PLXNA3: variants seen among roughly 807,000 people sequenced by gnomAD.
PLXNA3 encodes plexin A3.
A neutral mutation model predicts 118.8 loss-of-function variants in PLXNA3; 52 were observed. The ratio of observed to expected loss-of-function variants is 0.44; its 90% CI spans 0.35 to 0.55. PLXNA3 has a LOEUF of 0.55. Ranked by LOEUF, PLXNA3 falls within the 20% of genes least tolerant of loss-of-function variation. PLXNA3 has a pLI of 0.01. For synonymous variants in PLXNA3, 925 were observed against 762.4 expected, an observed-to-expected ratio of 1.21 and a Z score of -3.51; for missense variants, 1,660 against 1,730.8, an observed-to-expected ratio of 0.96 and a Z score of 0.73.
intron 1 of PLXNA3, among the ~76,000 whole-genome samples, chrX:154,459,157 AC>A (rs1465186992): frequency 1.3e-5 from 1 of 79,945 alleles, no homozygotes; most frequent in South Asian, 7.0e-4. Context: ...TCCCTGCACC[AC>A]CCCCCGCTCC....
intron 2 of PLXNA3, 122 bp from the exon 3 acceptor site, chrX:154,460,977 C>A: frequency 1.4e-6 from 1 of 726,441 alleles, no homozygotes; most frequent in Non-Finnish European, 2.0e-6. Context: ...CCCTCTGCAG[C>A]CTTTCTGGCC....
intron 4 of PLXNA3, among the ~76,000 whole-genome samples, chrX:154,462,571 T>C (rs1167807883): frequency 1.8e-5 from 2 of 112,055 alleles, no homozygotes; most frequent in Admixed American, 1.9e-4. Context: ...AGAACAGACC[T>C]ATTGTGGAGT....
Position 154,469,440 on chromosome X carries a change from C to G in PLXNA3, c.4656C>G (p.Ile1552Met), listed in dbSNP as rs200080300. 7.5e-6 allele frequency: 9 copies of G among 1,208,038 alleles called. No homozygotes were observed. Among genetic ancestry groups the G allele is most frequent in the African/African-American group, 1.7e-5 (1 of 57,394 alleles). ...ILQDEDVTTK[I>M]ECDWKRLNSL... is the part of the protein sequence containing the mutation. ...AGGATGAGGATGTCACCACCAAGAT[C>G]GAGTGTGACTGGAAGAGGCTCAACT... Residue 1552 changes from isoleucine (I) to methionine (M), a missense_variant, in exon 27 of 33, where the codon ATC becomes ATG. Ile to Met is a conservative substitution (Grantham distance 10). Transcript: ENST00000369682.
chrX:154,464,594 CAG>C (rs2069043818), intron 9 of PLXNA3, 93 bp downstream of exon 9: 10 of 790,853 alleles, frequency 1.3e-5, no homozygotes, highest in Admixed American at 5.4e-5. Context: ...TCTGGGGCAT[CAG>C]GGGCTAACTG....
Position 154,464,510 on chromosome X carries a change from C to T in PLXNA3, c.1928+9C>T. On this transcript the variant is annotated intron_variant, in intron 9 of 32. Coordinates refer to ENST00000369682, the MANE Select transcript of PLXNA3 (RefSeq NM_017514.5). ...TGCAGCGTCCTCCAGTCGTGAGTAC[C>T]TGGCCAGCACCCGTCCCTACCCCTG... The T allele has an allele frequency of 1.7e-6, 2 of 1,180,848 alleles. No homozygotes were observed. The highest frequency in any genetic ancestry group is 2.3e-6 in the Non-Finnish European group (2 of 867,991).
At chrX:154,459,171 C>G (rs1603388756) in intron 1 of PLXNA3, among the ~76,000 whole-genome samples, 1 of 109,042 alleles carries the variant, frequency 9.2e-6, no homozygotes, top group Non-Finnish European at 1.9e-5. Flanking sequence ...CCCGCTCCCC[C>G]CCCGCCTCCC....
chrX:154,464,054 G>A lies in PLXNA3; in HGVS notation c.1651G>A (p.Val551Met), dbSNP rs1472909420. Residue 551 changes from valine (V) to methionine (M), a missense_variant, in exon 7 of 33, where the codon GTG (valine) becomes ATG (methionine). Physicochemically the swap from Val to Met is conservative, Grantham distance 21 (BLOSUM62 1). Transcript: ENST00000369682. ...GCGGGTCCGGCCCAACAATGTGTCA[G>A]TGACGTCACCTGGGGTGCAGGTGAG... ...QVRVRPNNVS[V>M]TSPGVQLTVT... is the part of the protein sequence containing the mutation. 2 of 1,209,958 alleles carry A rather than the reference G, an allele frequency of 1.7e-6. No individual in the cohort carries two copies. Among genetic ancestry groups the A allele is most frequent in the Non-Finnish European group, 2.2e-6 (2 of 895,041 alleles).
Position 154,459,174 on chromosome X carries a change from C to G in PLXNA3, c.-28+746C>G, listed in dbSNP as rs987745965. 1.9e-5 allele frequency among the ~76,000 whole-genome samples: 2 copies of G among 105,113 alleles called. 1 individual carries two copies. Among genetic ancestry groups the G allele is most frequent in the African/African-American group, 7.4e-5 (2 of 27,103 alleles). The allele number at this position is 105,113 out of a possible 115,157, so 91.3% of individuals were successfully genotyped here. A position where few individuals can be genotyped will look rare whatever the true frequency, so the allele number is the denominator to read the frequency against. ...CCTGCACCACCCCCCGCTCCCCCCCCGCCTCCCGCCCTCAAGCTGGGTACC... is the reference window on the plus strand; with the variant it reads ...CCTGCACCACCCCCCGCTCCCCCCCGGCCTCCCGCCCTCAAGCTGGGTACC... On this transcript the variant is annotated intron_variant, in intron 1 of 32. Transcript: ENST00000369682.
In PLXNA3 at chrX:154,465,834, C is replaced by G; in HGVS notation, c.2519C>G (p.Pro840Arg). Residue 840 changes from proline to arginine, a missense_variant, in exon 13 of 33, where the codon CCC (proline) becomes CGC (arginine). Transcript: ENST00000369682. Reference protein sequence around the residue: ...LSQKGTRCSHPRITQIHPLVG... With the variant: ...LSQKGTRCSHRRITQIHPLVG... Reference sequence around the variant, plus strand: ...CAGAAGGGCACCCGGTGCAGCCACCCCCGCATCACGCAGGTCAGCCTCCCT... The same window carrying G: ...CAGAAGGGCACCCGGTGCAGCCACCGCCGCATCACGCAGGTCAGCCTCCCT... 8.3e-7 allele frequency: 1 copy of G among 1,206,539 alleles called. No individual in the cohort carries two copies. The highest frequency in any genetic ancestry group is 1.1e-6 in the Non-Finnish European group (1 of 892,636).
At chrX:154,464,723 T>C (rs1557206330) in intron 9 of PLXNA3, 31 bp from the exon 10 acceptor site, 1 of 999,655 alleles carries the variant, frequency 1.0e-6, no homozygotes, top group Admixed American at 2.8e-5. Flanking sequence ...TGCAGCCTCC[T>C]CTGTTATTTC....
chrX:154,466,376 A>G lies in PLXNA3; in HGVS notation c.2800A>G (p.Thr934Ala). The change falls in exon 16 of 33, where the codon ACC (threonine) becomes GCC (alanine). Residue 934 changes from threonine (T) to alanine (A), a missense_variant and splice_region_variant. By Grantham distance (58) the Thr-to-Ala change is moderately conservative. This residue lies in a region of PLXNA3 where 869 missense variants were observed against 1,078.7 expected (regional missense o/e 0.81). Transcript: ENST00000369682. The part of the protein sequence containing the change: ...TQSEQVYSFV[T>A]PTFDQVSPSR... Reference sequence around the variant, plus strand: ...CCCCTCAGGGCAGCTTCTCCCGCAGACCCCAACGTTTGACCAAGTGAGTCC... The same window carrying G: ...CCCCTCAGGGCAGCTTCTCCCGCAGGCCCCAACGTTTGACCAAGTGAGTCC... 8.3e-7 allele frequency: 1 copy of G among 1,211,347 alleles called. No individual in the cohort carries two copies. The highest frequency in any genetic ancestry group is 1.1e-6 in the Non-Finnish European group (1 of 895,437).
chrX:154,464,637 A>C, intron 9 of PLXNA3, 117 bp from the exon 10 acceptor site: 2 of 688,842 alleles, frequency 2.9e-6, no homozygotes, highest in Non-Finnish European at 4.4e-6. Flanking sequence ...ACATCCCCAC[A>C]TCTCTCTGTC....
chrX:154,466,990 T>C, intron 17 of PLXNA3, 67 bp from the exon 18 acceptor site: 1 of 1,032,876 alleles, frequency 9.7e-7, no homozygotes. Context: ...ATGGCAGCCT[T>C]GATCGCTCTC....
rs78942328 is a variant in PLXNA3, at chrX:154,475,420, T to C, written c.*2735T>C. The C allele has an allele frequency of 1.8e-5, 2 of 111,951 alleles. No homozygotes were observed. The highest frequency in any genetic ancestry group is 3.8e-5 in the Non-Finnish European group (2 of 53,129). The allele number at this position is 111,951 out of a possible 1,213,427, so 9.2% of individuals were successfully genotyped here. On this transcript the variant is annotated 3_prime_UTR_variant, in exon 33 of 33. Transcript: ENST00000369682. Reference sequence around the variant, plus strand: ...CTGGCCTTTCTTCTTTTTTTGTTTTTGTTTTTTTTTGAGATGCAATTTTAA... The same window carrying C: ...CTGGCCTTTCTTCTTTTTTTGTTTTCGTTTTTTTTTGAGATGCAATTTTAA...
intron 2 of PLXNA3, 61 bp from the exon 3 acceptor site, chrX:154,461,038 G>GA: frequency 3.0e-6 from 3 of 998,471 alleles, no homozygotes; most frequent in Non-Finnish European, 4.1e-6. Flanking sequence ...GGAAGCTGGC[G>GA]GTGGCCCGTG....
At position 154,462,329 on chromosome X, in the gene PLXNA3, G is replaced by T. The variant is rs375646375; in HGVS notation, c.1317+19G>T. ...GAAGAAGGTGGCCCCCAGAGCCCTG[G>T]GCATGTGGGGGTGGGGACAGTCTCA... is the stretch of plus-strand genomic sequence containing the variant. On this transcript the variant is annotated intron_variant, in intron 4 of 32. Coordinates refer to ENST00000369682, the MANE Select transcript of PLXNA3 (RefSeq NM_017514.5). The T allele has an allele frequency of 1.8e-5, 20 of 1,104,546 alleles. No homozygotes were observed. Among genetic ancestry groups the T allele is most frequent in the African/African-American group, 1.5e-4 (8 of 51,741 alleles). 91.0% of individuals were successfully genotyped at this position (1,104,546 alleles called of 1,213,427 possible).
At position 154,461,340 on chromosome X, in the gene PLXNA3, C is replaced by G. The variant is rs1233985152; in HGVS notation, c.836C>G (p.Pro279Arg). The G allele has an allele frequency of 4.1e-6, 5 of 1,211,536 alleles. No individual in the cohort carries two copies. The highest frequency in any genetic ancestry group is 5.6e-6 in the Non-Finnish European group (5 of 895,457). Residue 279 changes from proline (P) to arginine (R), a missense_variant, in exon 3 of 33, where the codon CCC becomes CGC. Physicochemically the swap from Pro to Arg is moderately radical, Grantham distance 103 (BLOSUM62 -2). Transcript: ENST00000369682. ...DSEFYSYVEF[P>R]IGCSWRGVEY... Reference sequence around the variant, plus strand: ...GAGTTCTACTCATACGTGGAATTCCCCATCGGCTGCTCCTGGCGCGGCGTG... The same window carrying G: ...GAGTTCTACTCATACGTGGAATTCCGCATCGGCTGCTCCTGGCGCGGCGTG...
At position 154,467,528 on chromosome X, in the gene PLXNA3, T is replaced by A. The variant is rs781941380; in HGVS notation, c.3442-17T>A. ...GAAAGTGGAGAGTCCTGGGCTGAAG[T>A]TGTCCTCCACCCCCAGGGCAAGAAC... On this transcript the variant is annotated splice_polypyrimidine_tract_variant and intron_variant, in intron 19 of 32. Transcript: ENST00000369682. 8 of 1,165,858 alleles carry A rather than the reference T, an allele frequency of 6.9e-6. No homozygotes were observed. The highest frequency in any genetic ancestry group is 9.2e-6 in the Non-Finnish European group (8 of 873,451).
At chrX:154,459,250 C>A (rs2068895279) in intron 1 of PLXNA3, among the ~76,000 whole-genome samples, 1 of 108,749 alleles carries the variant, frequency 9.2e-6, no homozygotes, top group Admixed American at 9.8e-5. Flanking sequence ...CTGAGCCCTG[C>A]CCTGTTGGCT....
Sources: allele counts gnomAD v4.1 joint callset (sites outside exome capture counted in the v4.1 genomes callset), GRCh38; gene constraint gnomAD v4.1.1; regional missense constraint gnomAD v4.1.1; transcripts MANE v1.5; gene names NCBI Gene and HGNC (gene_info 2026-07-23, HGNC 2026-07-21).